ECE1: variants seen among roughly 807,000 people sequenced by gnomAD.
The protein encoded by ECE1 is endothelin converting enzyme 1.
ECE1 carries 35 observed loss-of-function variants against 98.6 expected under a neutral mutation model. The ratio of observed to expected loss-of-function variants is 0.35; its 90% confidence interval spans 0.27 to 0.47. The LOEUF is 0.47. Among genes scored for constraint, ECE1 ranks in the 20% least tolerant of loss-of-function variants. The probability of loss-of-function intolerance (pLI) is 1.00; values close to 1 mark genes in which losing one functional copy is unlikely to be tolerated. For missense variants in ECE1, 814 were observed against 1,025.3 expected (o/e 0.79, Z 2.81); for synonymous variants, 394 against 407.1 (o/e 0.97, Z 0.39).
At chr1:21,242,854 C>T (rs181469449) in intron 10 of ECE1, among the ~76,000 whole-genome samples, 44 of 152,314 alleles carry the variant, frequency 2.9e-4, no homozygotes, top group African/African-American at 8.9e-4. Flanking sequence ...AGTGATAGCT[C>T]GCTGCAGCCT....
At chr1:21,268,638 C>T (rs539581338) in intron 4 of ECE1, among the ~76,000 whole-genome samples, 103 of 152,368 alleles carry the variant, frequency 6.8e-4, no homozygotes, top group Non-Finnish European at 3.1e-4. Context: ...CTTCTCCCCT[C>T]TCCGCCTAGA....
In ECE1 at chr1:21,234,080, T is replaced by A. The variant is rs184074651; in HGVS notation, c.1567-419A>T. ...TTGGCTCACTGCAACCTCCACCTCC[T>A]GGTTTAAGTGATTCTCGTGCCTCAG... On this transcript the variant is annotated intron_variant, in intron 13 of 18. Coordinates refer to ENST00000374893, the MANE Select transcript of ECE1 (RefSeq NM_001397.3). 1.3e-3 allele frequency among the ~76,000 whole-genome samples: 195 copies of A among 152,144 alleles called. 1 individual carries two copies. Among genetic ancestry groups the A allele is most frequent in the African/African-American group, 4.5e-3 (185 of 41,518 alleles).
At position 21,225,316 on chromosome 1, in the gene ECE1, C is replaced by T. The variant is rs188986875; in HGVS notation, c.1974G>A (p.Pro658=). Residue 658 remains proline, a synonymous_variant, in exon 17 of 19, where the codon CCG becomes CCA. Transcript: ENST00000374893. The surrounding 1 kb of genome is among the most constrained non-coding windows in gnomAD (Gnocchi z 5.3). ...QYSNYSVNGE[P]VNGRHTLGEN... ...CCCCCAGGGTGTGCCGCCCGTTCACCGGCTCCCCGTTCACGCTGTAGTTGC... is the reference window on the plus strand; with the variant it reads ...CCCCCAGGGTGTGCCGCCCGTTCACTGGCTCCCCGTTCACGCTGTAGTTGC... 8.1e-5 allele frequency: 130 copies of T among 1,614,230 alleles called. No homozygotes were observed. In the East Asian group the frequency reaches 1.6e-3, roughly 20 times the overall value.
At chr1:21,238,876 G>A (rs1031690673) in intron 10 of ECE1, among the ~76,000 whole-genome samples, 3 of 151,922 alleles carry the variant, frequency 2.0e-5, no homozygotes, top group Non-Finnish European at 4.4e-5. Context: ...GCAGTGGTGC[G>A]ATCACACAGC....
At chr1:21,336,914 C>T (rs891045239) in intron 1 of ECE1, among the ~76,000 whole-genome samples, 1 of 151,870 alleles carries the variant, frequency 6.6e-6, no homozygotes, top group African/African-American at 2.4e-5. Flanking sequence ...GCCTGTAATC[C>T]CAGCTACTTG....
rs2098224659 is a variant in ECE1, at chr1:21,260,006, C to G, written c.615+265G>C. On this transcript the variant is annotated intron_variant, in intron 5 of 18. Transcript: ENST00000374893. The surrounding 1 kb of genome is among the most constrained non-coding windows in gnomAD (Gnocchi z 4.3). The stretch of plus-strand genomic sequence containing the variant: ...ACACACAGATGCACAGAGAGACACA[C>G]AGACAGATGACAGACATCTACAACA... 6.6e-6 allele frequency among the ~76,000 whole-genome samples: 1 copy of G among 152,228 alleles called. No homozygotes were observed. Among genetic ancestry groups the G allele is most frequent in the Admixed American group, 6.5e-5 (1 of 15,286 alleles).
At chr1:21,255,726 C>T (rs183925118) in intron 8 of ECE1, among the ~76,000 whole-genome samples, 103 of 152,264 alleles carry the variant, frequency 6.8e-4, no homozygotes, top group South Asian at 2.1e-4. Context: ...GTCGGCCAGG[C>T]GCCTATTTTG....
chr1:21,331,809 C>T (rs1186059897), intron 1 of ECE1, among the ~76,000 whole-genome samples: 1 of 152,138 alleles, frequency 6.6e-6, no homozygotes, highest in Non-Finnish European at 1.5e-5. Flanking sequence ...ACCTGGCACA[C>T]AGCAAACACT....
chr1:21,264,099 G>A (rs2098230683), intron 4 of ECE1, among the ~76,000 whole-genome samples: 1 of 152,138 alleles, frequency 6.6e-6, no homozygotes, highest in South Asian at 2.1e-4. Flanking sequence ...TGAGTGAGAA[G>A]CTGCTGACAC....
intron 2 of ECE1, among the ~76,000 whole-genome samples, chr1:21,287,789 T>C (rs773453951): frequency 6.6e-6 from 1 of 152,206 alleles, no homozygotes; most frequent in African/African-American, 2.4e-5. Flanking sequence ...GGATATAACA[T>C]TGTGTATTTA....
intron 1 of ECE1, among the ~76,000 whole-genome samples, chr1:21,320,034 A>C (rs112586997): frequency 1.6e-4 from 24 of 152,364 alleles, no homozygotes; most frequent in African/African-American, 5.5e-4. Context: ...TAAAAAACAA[A>C]GGTGCATGCA....
chr1:21,253,843 G>C (rs551085611), intron 8 of ECE1, among the ~76,000 whole-genome samples: 54 of 150,964 alleles, frequency 3.6e-4, no homozygotes, highest in African/African-American at 1.3e-3. Context: ...CGCCGAGGCG[G>C]GTGGATTATG....
rs775024738 is a variant in ECE1, at chr1:21,225,432, A to G, written c.1858T>C (p.Tyr620His). Reference protein sequence around the residue: ...THAFDDQGREYDKDGNLRPWW... With the variant: ...THAFDDQGREHDKDGNLRPWW... ...GGCCGGAGGTTCCCGTCCTTGTCAT[A>G]CTCCCGTCCTGTGGGTCAGAGGGAG... The change falls in exon 17 of 19, where the codon TAT (tyrosine) becomes CAT (histidine). Residue 620 changes from tyrosine to histidine, a missense_variant. By Grantham distance (83) the Tyr-to-His change is moderately conservative. This residue lies in a region of ECE1 where 452 missense variants were observed against 567.3 expected (regional missense o/e 0.80). Coordinates refer to ENST00000374893, the MANE Select transcript of ECE1 (RefSeq NM_001397.3). The surrounding 1 kb of genome is among the most constrained non-coding windows in gnomAD (Gnocchi z 5.3). 1 of 1,613,472 alleles carries G rather than the reference A, an allele frequency of 6.2e-7. No homozygotes were observed. Among genetic ancestry groups the G allele is most frequent in the African/African-American group, 1.3e-5 (1 of 74,750 alleles).
intron 12 of ECE1, 123 bp downstream of exon 12, chr1:21,236,623 T>C (rs534446588): frequency 1.0e-6 from 1 of 958,338 alleles, no homozygotes; most frequent in African/African-American, 1.6e-5. Flanking sequence ...CACTCCAGCC[T>C]GGGTAACAAG....
At chr1:21,312,583 C>T (rs1311242248) in intron 1 of ECE1, among the ~76,000 whole-genome samples, 4 of 152,170 alleles carry the variant, frequency 2.6e-5, no homozygotes, top group African/African-American at 9.7e-5. Flanking sequence ...CGCCACTTCT[C>T]TCTGGCCTTA....
intron 1 of ECE1, among the ~76,000 whole-genome samples, chr1:21,306,728 G>C (rs1243363447): frequency 6.6e-6 from 1 of 152,188 alleles, no homozygotes; most frequent in African/African-American, 2.4e-5. Context: ...TCTGAACCCA[G>C]GCAATATGAC....
chr1:21,238,875 C>T (rs527968232), intron 10 of ECE1, among the ~76,000 whole-genome samples: 7 of 151,950 alleles, frequency 4.6e-5, no homozygotes, highest in Non-Finnish European at 1.0e-4. Context: ...TGCAGTGGTG[C>T]GATCACACAG....
intron 3 of ECE1, among the ~76,000 whole-genome samples, chr1:21,278,968 T>C (rs987241262): frequency 6.6e-6 from 1 of 152,150 alleles, no homozygotes; most frequent in Non-Finnish European, 1.5e-5. Flanking sequence ...AGCCAGTAAG[T>C]TGCTGGGACA....
rs1394132457 is a variant in ECE1 at position 21,218,337 on chromosome 1, TGGA to T, written c.*1615_*1617del. The T allele has an allele frequency of 2.0e-5, 3 of 152,416 alleles. No individual in the cohort carries two copies. The highest frequency in any genetic ancestry group is 2.9e-5 in the Non-Finnish European group (2 of 68,204). The allele number at this position is 152,416 out of a possible 1,614,324, so 9.4% of individuals were successfully genotyped here. A position where few individuals can be genotyped will look rare whatever the true frequency, so the allele number is the denominator to read the frequency against. ...GCCGGCCAGAGCTCCTGGGCTCCCG[TGGA>T]GGTTAGCCCTGCAGGCACCGGGGAA... On this transcript the variant is annotated 3_prime_UTR_variant, in exon 19 of 19. Transcript: ENST00000374893. This position sits in a 1 kb window ranked among gnomAD's most constrained non-coding sequence, Gnocchi z 4.0.
Sources: allele counts gnomAD v4.1 joint callset (sites outside exome capture counted in the v4.1 genomes callset), GRCh38; gene constraint gnomAD v4.1.1; regional missense constraint gnomAD v4.1.1; non-coding constraint Gnocchi (gnomAD v3.1); transcripts MANE v1.5; gene names NCBI Gene and HGNC (gene_info 2026-07-23, HGNC 2026-07-21).